SLMAP: variants seen among roughly 807,000 people sequenced by gnomAD.
SLMAP encodes sarcolemma associated protein, also known as sarcolemmal membrane-associated protein.
SLMAP carries 44 observed loss-of-function variants against 128.8 expected under a neutral mutation model. That is an observed-to-expected ratio of 0.34 (90% CI 0.27 to 0.44). The LOEUF is 0.44. Among genes scored for constraint, SLMAP ranks in the 20% least tolerant of loss-of-function variants. The pLI is 1.00. For missense variants in SLMAP, 787 were observed against 985.3 expected (o/e 0.80, Z 2.69); for synonymous variants, 327 against 348.8 (o/e 0.94, Z 0.70).
chr3:57,831,786 A>G (rs891537585), intron 3 of SLMAP, among the ~76,000 whole-genome samples: 1 of 152,170 alleles, frequency 6.6e-6, no homozygotes, highest in African/African-American at 2.4e-5. Context: ...ATACCCCACC[A>G]AGACAAGCTT....
At chr3:57,761,029 G>GTT (rs755810231) in intron 2 of SLMAP, among the ~76,000 whole-genome samples, 1 of 139,866 alleles carries the variant, frequency 7.1e-6, no homozygotes, top group Non-Finnish European at 1.6e-5. Flanking sequence ...GCCCGGCCAG[G>GTT]TTTTTTTTTT....
intron 8 of SLMAP, 72 bp from the exon 9 acceptor site, chr3:57,860,627 G>A: frequency 1.7e-6 from 2 of 1,178,438 alleles, no homozygotes; most frequent in Non-Finnish European, 2.3e-6. Context: ...ATCATAATGT[G>A]TTAATTTTTT....
intron 14 of SLMAP, among the ~76,000 whole-genome samples, chr3:57,885,865 A>G (rs1443027042): frequency 8.0e-6 from 1 of 124,588 alleles, no homozygotes; most frequent in Non-Finnish European, 1.6e-5. Context: ...CTCACTGTAA[A>G]CTCTGCCTCC....
At chr3:57,774,518 T>G (rs1012651428) in intron 2 of SLMAP, among the ~76,000 whole-genome samples, 9 of 149,378 alleles carry the variant, frequency 6.0e-5, no homozygotes, top group Admixed American at 4.7e-4. Context: ...CAATTATTAT[T>G]ATTATTATTA....
rs2096488990 is a variant in SLMAP, at chr3:57,904,919, T to G, written c.1502-2965T>G. 1.3e-5 allele frequency among the ~76,000 whole-genome samples: 2 copies of G among 152,162 alleles called. 1 individual carries two copies. The highest frequency in any genetic ancestry group is 4.1e-4 in the South Asian group (2 of 4,834). ...CCATCTCTACAAAAAATTAAAAATT[T>G]TGCTGGGCATGGTGGCACGTGCCTG... is the stretch of plus-strand genomic sequence containing the variant. On this transcript the variant is annotated intron_variant, in intron 17 of 24. Transcript: ENST00000671191.
At chr3:57,774,598 C>T (rs1222181258) in intron 2 of SLMAP, among the ~76,000 whole-genome samples, 1 of 151,898 alleles carries the variant, frequency 6.6e-6, no homozygotes, top group Non-Finnish European at 1.5e-5. Context: ...GATCTTGGCT[C>T]ACTGCAACCT....
intron 2 of SLMAP, among the ~76,000 whole-genome samples, chr3:57,796,050 T>A (rs542156670): frequency 1.3e-5 from 2 of 152,342 alleles, no homozygotes; most frequent in African/African-American, 4.8e-5. Flanking sequence ...TTGTCACTTG[T>A]GCCTTTGGTG....
At chr3:57,880,860 G>A (rs1350952370) in intron 14 of SLMAP, among the ~76,000 whole-genome samples, 1 of 152,148 alleles carries the variant, frequency 6.6e-6, no homozygotes, top group African/African-American at 2.4e-5. Context: ...ACTCCAGTCT[G>A]GGTGACGGAG....
chr3:57,820,503 A>T (rs2092400125), intron 2 of SLMAP, among the ~76,000 whole-genome samples: 1 of 152,186 alleles, frequency 6.6e-6, no homozygotes, highest in Non-Finnish European at 1.5e-5. Flanking sequence ...AATTTGCTGT[A>T]GGCTTTCAGC....
At chr3:57,826,240 T>C (rs1264083778) in intron 2 of SLMAP, among the ~76,000 whole-genome samples, 1 of 152,194 alleles carries the variant, frequency 6.6e-6, no homozygotes, top group Non-Finnish European at 1.5e-5. Context: ...CTTTCATGTC[T>C]TGAATTATTT....
At chr3:57,842,833 A>G (rs900596917) in intron 4 of SLMAP, among the ~76,000 whole-genome samples, 5 of 152,230 alleles carry the variant, frequency 3.3e-5, no homozygotes, top group East Asian at 1.9e-4. Flanking sequence ...TCTGGAGAAG[A>G]TGAATTTTGA....
intron 6 of SLMAP, among the ~76,000 whole-genome samples, chr3:57,850,367 A>C (rs2094456256): frequency 6.6e-6 from 1 of 152,190 alleles, no homozygotes; most frequent in Non-Finnish European, 1.5e-5. Flanking sequence ...TTTGTACAAG[A>C]GGAATTTTTT....
intron 2 of SLMAP, among the ~76,000 whole-genome samples, chr3:57,775,993 C>T (rs543467481): frequency 5.3e-5 from 8 of 152,240 alleles, no homozygotes; most frequent in African/African-American, 1.4e-4. Context: ...GCCACCACGC[C>T]GGGCCAATTT....
chr3:57,766,000 C>CTTTT (rs769246826), intron 2 of SLMAP, among the ~76,000 whole-genome samples: 1 of 135,954 alleles, frequency 7.4e-6, no homozygotes. Context: ...GATTTTCTTT[C>CTTTT]TTTTTTTTTT....
intron 2 of SLMAP, among the ~76,000 whole-genome samples, chr3:57,762,106 A>G (rs982977612): frequency 6.6e-6 from 1 of 151,384 alleles, no homozygotes; most frequent in East Asian, 1.9e-4. Context: ...TTGGTGGCTC[A>G]TGCCTGTAAT....
chr3:57,766,347 G>T (rs929781411), intron 2 of SLMAP, among the ~76,000 whole-genome samples: 7 of 151,876 alleles, frequency 4.6e-5, no homozygotes, highest in Admixed American at 1.3e-4. Flanking sequence ...TGATATTTCT[G>T]CTAGAGCTTA....
At chr3:57,873,467 C>T (rs1045304965) in intron 14 of SLMAP, among the ~76,000 whole-genome samples, 1 of 151,950 alleles carries the variant, frequency 6.6e-6, no homozygotes, top group Non-Finnish European at 1.5e-5. Flanking sequence ...TGTGCCACTG[C>T]ACTCCAGCCT....
chr3:57,832,041 C>G (rs770494142), intron 3 of SLMAP, among the ~76,000 whole-genome samples: 28 of 152,196 alleles, frequency 1.8e-4, no homozygotes, highest in Non-Finnish European at 5.9e-5. Flanking sequence ...AAGGATGAGG[C>G]GGGGATAAAA....
intron 2 of SLMAP, among the ~76,000 whole-genome samples, chr3:57,822,319 C>CA (rs1349407421): frequency 6.6e-6 from 1 of 152,082 alleles, no homozygotes; most frequent in Non-Finnish European, 1.5e-5. Flanking sequence ...GCAGGAATAA[C>CA]AGTGTTAAAT....
Sources: allele counts gnomAD v4.1 joint callset (sites outside exome capture counted in the v4.1 genomes callset), GRCh38; gene constraint gnomAD v4.1.1; transcripts MANE v1.5; gene names NCBI Gene and HGNC (gene_info 2026-07-23, HGNC 2026-07-21).